The following PCSK5 variants were observed in gnomAD, a reference collection of about 807,000 sequenced individuals.
PCSK5 encodes prohormone convertase 5.
PCSK5 carries 129 observed loss-of-function variants against 233.2 expected under a neutral mutation model. The ratio of observed to expected loss-of-function variants is 0.55; its 90% CI spans 0.48 to 0.64. PCSK5 has a LOEUF of 0.64. PCSK5 is among the 30% of genes least tolerant of loss of function. The probability of loss-of-function intolerance (pLI) is 0.00; values close to 1 mark genes in which losing one functional copy is unlikely to be tolerated. For missense variants in PCSK5, 2,076 were observed against 2,430.1 expected (o/e 0.85, Z 3.06); for synonymous variants, 825 against 879.2 (o/e 0.94, Z 1.09).
intron 5 of PCSK5, among the ~76,000 whole-genome samples, chr9:76,055,975 T>C (rs968290079): frequency 1.3e-5 from 2 of 152,096 alleles, no homozygotes; most frequent in Admixed American, 6.6e-5. Flanking sequence ...GGAGAACATA[T>C]CCCTATTTCT....
chr9:75,924,362 A>C (rs1462006933), intron 1 of PCSK5, among the ~76,000 whole-genome samples: 1 of 152,188 alleles, frequency 6.6e-6, no homozygotes, highest in African/African-American at 2.4e-5. Flanking sequence ...AAGTCTAAAA[A>C]AAAATAGCTT....
At chr9:76,120,428 T>C (rs1832588613) in intron 9 of PCSK5, among the ~76,000 whole-genome samples, 1 of 152,154 alleles carries the variant, frequency 6.6e-6, no homozygotes, top group Non-Finnish European at 1.5e-5. Context: ...TTGGCTTCTT[T>C]ACAAGTTTTC....
At chr9:76,053,044 T>C (rs2131560499) in intron 5 of PCSK5, among the ~76,000 whole-genome samples, 1 of 152,304 alleles carries the variant, frequency 6.6e-6, no homozygotes, top group Non-Finnish European at 1.5e-5. Context: ...CATTGGACAG[T>C]TCCGCCCCTG....
intron 22 of PCSK5, among the ~76,000 whole-genome samples, chr9:76,237,506 G>A (rs7867799): frequency 0.13 from 20,462 of 151,862 alleles, 1,492 homozygotes; most frequent in African/African-American, 0.18. Context: ...AGTGGCTCAC[G>A]CCTGTAATCC....
chr9:76,279,241 C>A (rs1332127346), intron 24 of PCSK5, among the ~76,000 whole-genome samples: 1 of 150,772 alleles, frequency 6.6e-6, no homozygotes, highest in Non-Finnish European at 1.5e-5. Context: ...AGGACATGAA[C>A]TCATCATTTT....
intron 35 of PCSK5, among the ~76,000 whole-genome samples, chr9:76,349,143 G>A (rs1033101288): frequency 2.0e-5 from 3 of 151,524 alleles, no homozygotes; most frequent in African/African-American, 4.8e-5. Context: ...GCGTGGTGGC[G>A]GGCTCCTGTA....
chr9:76,052,545 C>T (rs1362425937), intron 5 of PCSK5, among the ~76,000 whole-genome samples: 1 of 152,154 alleles, frequency 6.6e-6, no homozygotes, highest in Non-Finnish European at 1.5e-5. Context: ...AATCCACCCC[C>T]TGATTCAATT....
intron 29 of PCSK5, among the ~76,000 whole-genome samples, chr9:76,309,109 T>C (rs755850089): frequency 4.6e-5 from 7 of 152,096 alleles, no homozygotes; most frequent in Non-Finnish European, 7.4e-5. Context: ...TTCCACCTAC[T>C]TGGGAGGCTG....
intron 10 of PCSK5, among the ~76,000 whole-genome samples, chr9:76,144,789 T>A (rs958225): frequency 0.07 from 10,652 of 152,260 alleles, 600 homozygotes; most frequent in East Asian, 0.28. Flanking sequence ...AGAACCTGTT[T>A]CTTCATTGGC....
intron 10 of PCSK5, among the ~76,000 whole-genome samples, chr9:76,155,643 A>G (rs925720267): frequency 4.6e-5 from 7 of 152,160 alleles, no homozygotes; most frequent in African/African-American, 1.2e-4. Flanking sequence ...TGAATGGATG[A>G]ATGGATGGAT....
intron 7 of PCSK5, among the ~76,000 whole-genome samples, chr9:76,074,950 T>G (rs1830593571): frequency 6.6e-6 from 1 of 152,152 alleles, no homozygotes; most frequent in Non-Finnish European, 1.5e-5. Flanking sequence ...CCGGGTGTGG[T>G]GGCTCATGCC....
chr9:76,251,698 G>T (rs1358656329), intron 24 of PCSK5, among the ~76,000 whole-genome samples: 1 of 151,740 alleles, frequency 6.6e-6, no homozygotes, highest in East Asian at 1.9e-4. Flanking sequence ...TTACTAATGT[G>T]CCAGGTGCTG....
intron 13 of PCSK5, 25 bp downstream of exon 13, chr9:76,169,865 G>A: frequency 6.3e-7 from 1 of 1,593,272 alleles, no homozygotes; most frequent in South Asian, 1.1e-5. Context: ...TCTATACATT[G>A]TTCTACTGTG....
At chr9:75,969,439 TC>T (rs1825727639) in intron 2 of PCSK5, among the ~76,000 whole-genome samples, 1 of 152,170 alleles carries the variant, frequency 6.6e-6, no homozygotes, top group Non-Finnish European at 1.5e-5. Flanking sequence ...TGGAGGCACT[TC>T]CCTGGACCCC....
intron 9 of PCSK5, among the ~76,000 whole-genome samples, chr9:76,109,558 T>C (rs920397719): frequency 9.8e-6 from 1 of 102,430 alleles, no homozygotes; most frequent in Non-Finnish European, 1.9e-5. Flanking sequence ...AAGACTACAA[T>C]TGTTTTTTTT....
At chr9:76,188,799 G>A (rs974219832) in intron 18 of PCSK5, 124 bp downstream of exon 18, 63 of 712,614 alleles carry the variant, frequency 8.8e-5, no homozygotes, top group Middle Eastern at 2.8e-4. Context: ...TTTATTTCTC[G>A]TTTGATAATT....
chr9:76,156,929 C>T, intron 10 of PCSK5, 116 bp from the exon 11 acceptor site: 1 of 705,220 alleles, frequency 1.4e-6, no homozygotes, highest in South Asian at 1.7e-5. Context: ...TTTCTCAAAT[C>T]ATTGCTGGAA....
Position 76,358,670 on chromosome 9 carries a change from C to G in PCSK5, c.5412C>G (p.Ala1804=), listed in dbSNP as rs771344975. 6.2e-7 allele frequency: 1 copy of G among 1,612,724 alleles called. No individual in the cohort carries two copies. The highest frequency in any genetic ancestry group is 2.2e-5 in the East Asian group (1 of 44,856). ...GCCGAGTCCAGCCAGCAGCAAAGGC[C>G]GGCTATGAAAAACTGGCCGACCCCA... The part of the protein sequence containing the change: ...SRGRVQPAAK[A]GYEKLADPNK... The change falls in exon 38 of 38, where the codon GCC becomes GCG. Residue 1804 remains alanine (A), a synonymous_variant. Transcript: ENST00000674117.
chr9:75,975,512 A>G (rs1403227155), intron 2 of PCSK5, among the ~76,000 whole-genome samples: 1 of 152,122 alleles, frequency 6.6e-6, no homozygotes, highest in Admixed American at 6.5e-5. Context: ...TTTTTATACT[A>G]ATCTCAGCTG....
Sources: allele counts gnomAD v4.1 joint callset (sites outside exome capture counted in the v4.1 genomes callset), GRCh38; gene constraint gnomAD v4.1.1; transcripts MANE v1.5; gene names NCBI Gene and HGNC (gene_info 2026-07-23, HGNC 2026-07-21).